Variants in GREP1 observed in about 807,000 individuals in gnomAD.
The protein encoded by GREP1 is glycine-rich extracellular protein 1.
At chr16:2,998,946 C>A in exon 26 of GREP1, 1 of 399,110 alleles carries the variant, frequency 2.5e-6, no homozygotes, top group Non-Finnish European at 4.4e-6. Context: ...GAAATCCCAG[C>A]CCCCTTCCGC....
chr16:2,998,959 T>C, exon 26 of GREP1: 1 of 399,114 alleles, frequency 2.5e-6, no homozygotes, highest in Non-Finnish European at 4.4e-6. Context: ...CCTTCCGCAG[T>C]GCAGAATGGC....
Position 2,992,534 on chromosome 16 carries a change from T to C in GREP1, c.323-271T>C, listed in dbSNP as rs1360197806. 6.4e-6 allele frequency: 2 copies of C among 313,032 alleles called. No individual in the cohort carries two copies. Among genetic ancestry groups the C allele is most frequent in the Non-Finnish European group, 1.2e-5 (2 of 171,946 alleles). 19.4% of individuals were successfully genotyped at this position (313,032 alleles called of 1,614,324 possible). Reference sequence around the variant, plus strand: ...AGATGGGCTCTTGGGGGTTCATTCATTCACCCAATCTCCCCTGAGCACCCG... The same window carrying C: ...AGATGGGCTCTTGGGGGTTCATTCACTCACCCAATCTCCCCTGAGCACCCG... On this transcript the variant is annotated intron_variant, in intron 8 of 34. Transcript: ENST00000573315. The surrounding 1 kb of genome is among the most constrained non-coding windows in gnomAD (Gnocchi z 4.9).
At chr16:2,988,438 A>G (rs2072382195) in intron 1 of GREP1, 98 bp downstream of exon 1, 1 of 399,222 alleles carries the variant, frequency 2.5e-6, no homozygotes, top group Non-Finnish European at 4.4e-6. Flanking sequence ...GGGGTTCTGG[A>G]GACAAGGAGG....
At chr16:2,994,431 C>G (rs542280727) in intron 10 of GREP1, 2 of 275,650 alleles carry the variant, frequency 7.3e-6, no homozygotes, top group East Asian at 6.4e-5. Context: ...ATTGCTTGAA[C>G]CCGGGAGGCG....
chr16:3,001,191 G>A (rs1596463845), intron 33 of GREP1, 90 bp from the exon 28 acceptor site: 1 of 399,038 alleles, frequency 2.5e-6, no homozygotes, highest in Admixed American at 4.4e-5. Flanking sequence ...CTCCGGGGAG[G>A]GGGTGTCTCC....
In GREP1 at chr16:2,999,895, C is replaced by T; in HGVS notation, c.1190-7C>T. On this transcript the variant is annotated splice_region_variant and splice_polypyrimidine_tract_variant and intron_variant, in intron 27 of 34. Coordinates refer to ENST00000573315, the Ensembl canonical transcript of GREP1. ...GTCCCCCGCACTGACTTCCTTTCTC[C>T]TCACAGGGCACCAGCCTCCAAATGG... 5.0e-6 allele frequency: 2 copies of T among 399,106 alleles called. No homozygotes were observed. The highest frequency in any genetic ancestry group is 8.8e-6 in the Non-Finnish European group (2 of 226,088). The allele number at this position is 399,106 out of a possible 1,614,324, so 24.7% of individuals were successfully genotyped here.
At chr16:3,000,398 G>A (rs2072454238) in intron 30 of GREP1, 1 of 399,162 alleles carries the variant, frequency 2.5e-6, no homozygotes, top group East Asian at 3.6e-5. Flanking sequence ...TGGGCTCAGG[G>A]CCCCAGCCCA....
intron 21 of GREP1, 173 bp downstream of exon 20, chr16:2,997,258 C>T (rs1247795040): frequency 5.0e-6 from 2 of 398,666 alleles, no homozygotes; most frequent in Non-Finnish European, 8.8e-6. Context: ...CAGGTGGACA[C>T]CAAAATGAGG....
intron 22 of GREP1, 21 bp from the exon 21 acceptor site, chr16:2,997,782 C>A: frequency 2.5e-6 from 1 of 398,472 alleles, no homozygotes; most frequent in Non-Finnish European, 4.4e-6. Context: ...ATGGGTCCCT[C>A]ACCTACTCGC....
chr16:2,997,526 T>C, intron 22 of GREP1: 1 of 398,064 alleles, frequency 2.5e-6, no homozygotes, highest in South Asian at 1.3e-4. Context: ...CCTGCAGCCT[T>C]AGACGGGGTA....
chr16:2,988,280 G>A (rs917479403), exon 1 of GREP1: 1 of 399,214 alleles, frequency 2.5e-6, no homozygotes, highest in African/African-American at 2.1e-5. Flanking sequence ...TAGAGTCATG[G>A]GCGCCTGGGC....
Position 2,989,987 on chromosome 16 carries a change from C to T in GREP1, c.144C>T (p.Gly48=). The T allele has an allele frequency of 2.5e-6, 1 of 399,270 alleles. No individual in the cohort carries two copies. Among genetic ancestry groups the T allele is most frequent in the Non-Finnish European group, 4.4e-6 (1 of 226,356 alleles). 24.7% of individuals were successfully genotyped at this position (399,270 alleles called of 1,614,324 possible). ...CTGTCTCTCCAGGCTATGATGGGGG[C>T]GTGAAGCCACAGAAGCCAGGTGAGC... The change falls in exon 4 of 35, where the codon GGC becomes GGT. Residue 48 remains glycine, a synonymous_variant. Coordinates refer to ENST00000573315, the Ensembl canonical transcript of GREP1. The surrounding 1 kb of genome is among the most constrained non-coding windows in gnomAD (Gnocchi z 4.2).
chr16:2,997,761 G>A, intron 22 of GREP1, 42 bp from the exon 21 acceptor site: 1 of 398,564 alleles, frequency 2.5e-6, no homozygotes. Flanking sequence ...ACCCCTCAGT[G>A]AGGAGTGGGC....
chr16:2,998,627 T>C (rs368126389), intron 25 of GREP1, 104 bp downstream of exon 23: 115 of 398,170 alleles, frequency 2.9e-4, no homozygotes, highest in African/African-American at 2.2e-3. Context: ...GCCAGATCCC[T>C]ACATCCCTCT....
chr16:2,989,520 C>T lies in GREP1; in HGVS notation c.101-3C>T, dbSNP rs1454378649. 2 of 399,138 alleles carry T rather than the reference C, an allele frequency of 5.0e-6. No homozygotes were observed. The highest frequency in any genetic ancestry group is 2.5e-4 in the South Asian group (2 of 7,866). 24.7% of individuals were successfully genotyped at this position (399,138 alleles called of 1,614,324 possible). On this transcript the variant is annotated splice_polypyrimidine_tract_variant and splice_region_variant and intron_variant, in intron 2 of 34. Transcript: ENST00000573315. This position sits in a 1 kb window ranked among gnomAD's most constrained non-coding sequence, Gnocchi z 4.2. Reference sequence around the variant, plus strand: ...CGGGCTCAACATCTCACTTCTCCCACAGTCTATGGCCCCCACAGTGGCCTG... The same window carrying T: ...CGGGCTCAACATCTCACTTCTCCCATAGTCTATGGCCCCCACAGTGGCCTG...
chr16:2,990,846 G>A (rs1596461242), intron 7 of GREP1, among the ~76,000 whole-genome samples: 1 of 152,284 alleles, frequency 6.6e-6, no homozygotes, highest in Non-Finnish European at 1.5e-5. Context: ...TGTGGCTGTG[G>A]AGCAGGGAGC....
chr16:2,989,515 TCCC>T lies in GREP1; in HGVS notation c.101-7_101-5del. 1 of 398,938 alleles carries T rather than the reference TCCC, an allele frequency of 2.5e-6. No homozygotes were observed. Among genetic ancestry groups the T allele is most frequent in the Non-Finnish European group, 4.4e-6 (1 of 226,204 alleles). 24.7% of individuals were successfully genotyped at this position (398,938 alleles called of 1,614,324 possible). A position where few individuals can be genotyped will look rare whatever the true frequency, so the allele number is the denominator to read the frequency against. ...CACCCCGGGCTCAACATCTCACTTC[TCCC>T]ACAGTCTATGGCCCCCACAGTGGCC... On this transcript the variant is annotated splice_region_variant and splice_polypyrimidine_tract_variant and intron_variant, in intron 2 of 34. Transcript: ENST00000573315. The surrounding 1 kb of genome is among the most constrained non-coding windows in gnomAD (Gnocchi z 4.2).
exon 16 of GREP1, chr16:2,995,640 T>C (rs1288609232): frequency 7.5e-6 from 3 of 398,614 alleles, no homozygotes; most frequent in South Asian, 1.3e-4. Context: ...CAGAACCGAT[T>C]TGGATTTGGA....
At chr16:3,001,430 T>C in intron 34 of GREP1, 96 bp downstream of exon 28, 1 of 399,074 alleles carries the variant, frequency 2.5e-6, no homozygotes, top group Non-Finnish European at 4.4e-6. Flanking sequence ...TTGGGAAGGA[T>C]AGCAGGTTCT....
Sources: gnomAD v4.1 joint callset for allele counts (sites outside exome capture counted in the v4.1 genomes callset) on GRCh38, gnomAD v4.1.1 for gene constraint, Gnocchi (gnomAD v3.1) non-coding constraint, MANE v1.5 for transcripts, NCBI Gene and HGNC (gene_info 2026-07-23, HGNC 2026-07-21) for gene names.